HSPA5: variants seen among roughly 807,000 people sequenced by gnomAD.
HSPA5 encodes the protein endoplasmic reticulum chaperone BiP.
Under a neutral mutation model 49.5 loss-of-function variants are expected in HSPA5, and 16 were observed. The ratio of observed to expected loss-of-function variants is 0.32; its 90% CI spans 0.22 to 0.49. The LOEUF is 0.49. HSPA5 is among the 20% of genes least tolerant of loss of function. HSPA5 has a pLI of 0.99. For missense variants in HSPA5, 376 were observed against 819.0 expected (o/e 0.46, Z 6.60); for synonymous variants, 271 against 307.2 (o/e 0.88, Z 1.23).
Position 125,239,405 on chromosome 9 carries a change from T to C in HSPA5, c.605+16A>G. The C allele has an allele frequency of 6.2e-7, 1 of 1,613,922 alleles. No individual in the cohort carries two copies. Among genetic ancestry groups the C allele is most frequent in the Non-Finnish European group, 8.5e-7 (1 of 1,179,768 alleles). ...CTATTTGGCAAATATGCCGTATCCC[T>C]GAATTTCATACTTACGGCTCGTTGA... On this transcript the variant is annotated intron_variant, in intron 4 of 7. Transcript: ENST00000324460. The surrounding 1 kb of genome is among the most constrained non-coding windows in gnomAD (Gnocchi z 5.5).
In HSPA5 at chr9:125,241,063, C is replaced by T. The variant is rs758001741; in HGVS notation, c.64G>A (p.Asp22Asn). The T allele has an allele frequency of 3.7e-6, 6 of 1,613,806 alleles. No individual in the cohort carries two copies. In the African/African-American group the frequency reaches 6.7e-5, roughly 18 times the overall value. Residue 22 changes from aspartate (D) to asparagine (N), a missense_variant, in exon 1 of 8, where the codon GAC (aspartate) becomes AAC (asparagine). Asp to Asn is a conservative substitution (Grantham distance 23, BLOSUM62 1). Coordinates refer to ENST00000324460, the MANE Select transcript of HSPA5 (RefSeq NM_005347.5). ...ACCGTGCCCACGTCCTCCTTCTTGT[C>T]CTCCTCCTCGGCCCGCGCCGCGCTG... Reference protein sequence around the residue: ...LLSAARAEEEDKKEDVGTVVG... With the variant: ...LLSAARAEEENKKEDVGTVVG...
Position 125,238,999 on chromosome 9 carries a change from T to C in HSPA5, c.938A>G (p.Tyr313Cys), listed in dbSNP as rs545601947. ...HQARIEIESF[Y>C]EGEDFSETLT... ...GGTCTCAGAAAAGTCTTCTCCTTCA[T>C]AGAAGGACTCAATTTCAATTCTTGC... The change falls in exon 5 of 8, where the codon TAT becomes TGT. Residue 313 changes from tyrosine to cysteine, a missense_variant. Coordinates refer to ENST00000324460, the MANE Select transcript of HSPA5 (RefSeq NM_005347.5). The C allele has an allele frequency of 1.0e-4, 166 of 1,613,892 alleles. 2 individuals carry two copies. The South Asian group carries it at 1.6e-3, about 16-fold the overall frequency.
At position 125,236,094 on chromosome 9, in the gene HSPA5, A is replaced by C. The variant is rs897691236; in HGVS notation, c.*498T>G. ...GGCCCAGGAGGGTTAAAAAAAAAAA[A>C]AAAAATCCCTGGAAGCATTAAATAG... On this transcript the variant is annotated 3_prime_UTR_variant, in exon 8 of 8. Coordinates refer to ENST00000324460, the MANE Select transcript of HSPA5 (RefSeq NM_005347.5). 1 of 151,536 alleles carries C rather than the reference A, an allele frequency of 6.6e-6. No individual in the cohort carries two copies. The highest frequency in any genetic ancestry group is 6.6e-5 in the Admixed American group (1 of 15,124). The allele number at this position is 151,536 out of a possible 1,614,324, so 9.4% of individuals were successfully genotyped here.
At position 125,240,844 on chromosome 9, in the gene HSPA5, C is replaced by T. The variant is rs1275325037; in HGVS notation, c.186G>A (p.Thr62=). 1 of 1,614,236 alleles carries T rather than the reference C, an allele frequency of 6.2e-7. No homozygotes were observed. The highest frequency in any genetic ancestry group is 8.5e-7 in the Non-Finnish European group (1 of 1,180,046). The change falls in exon 2 of 8, where the codon ACG becomes ACA. Residue 62 remains threonine (T), a synonymous_variant. Coordinates refer to ENST00000324460, the MANE Select transcript of HSPA5 (RefSeq NM_005347.5). The surrounding 1 kb of genome is among the most constrained non-coding windows in gnomAD (Gnocchi z 4.4). ...CAGGAGTGAAGGCGACATAGGACGG[C>T]GTGATGCGGTTGCCCTGATCGTTGG... ...IIANDQGNRI[T]PSYVAFTPEG...
chr9:125,240,735 T>C lies in HSPA5; in HGVS notation c.295A>G (p.Ile99Val). 1 of 1,614,184 alleles carries C rather than the reference T, an allele frequency of 6.2e-7. No homozygotes were observed. Among genetic ancestry groups the C allele is most frequent in the East Asian group, 2.2e-5 (1 of 44,886 alleles). ...ENTVFDAKRL[I>V]GRTWNDPSVQ... ...GACGGGTCATTCCACGTGCGGCCGA[T>C]GAGCCGCTTGGCGTCAAAGACCGTG... Residue 99 changes from isoleucine (I) to valine (V), a missense_variant, in exon 2 of 8, where the codon ATC becomes GTC. Transcript: ENST00000324460. The surrounding 1 kb of genome is among the most constrained non-coding windows in gnomAD (Gnocchi z 4.4).
rs1218092718 is a variant in HSPA5 at position 125,235,258 on chromosome 9, G to A, written c.*1334C>T. 6.6e-6 allele frequency: 1 copy of A among 151,406 alleles called. No homozygotes were observed. The highest frequency in any genetic ancestry group is 1.5e-5 in the Non-Finnish European group (1 of 68,004). 9.4% of individuals were successfully genotyped at this position (151,406 alleles called of 1,614,324 possible). On this transcript the variant is annotated 3_prime_UTR_variant, in exon 8 of 8. Coordinates refer to ENST00000324460, the MANE Select transcript of HSPA5 (RefSeq NM_005347.5). ...GTCTCACTCTTGTCGCCAGGCTGGA[G>A]TGCCGGGCTGGAGTACAGTGGTGTG...
chr9:125,238,041 G>T, intron 7 of HSPA5, 100 bp downstream of exon 7: 1 of 859,532 alleles, frequency 1.2e-6, no homozygotes. Flanking sequence ...GACAGAATTT[G>T]CAGTGAGCCG....
rs1832466032 is a variant in HSPA5, at chr9:125,234,895, A to G, written c.*1697T>C. The G allele has an allele frequency of 6.6e-6, 1 of 152,038 alleles. No individual in the cohort carries two copies. The highest frequency in any genetic ancestry group is 2.4e-5 in the African/African-American group (1 of 41,350). 9.4% of individuals were successfully genotyped at this position (152,038 alleles called of 1,614,324 possible). ...AATATTCAGTAACAGCTCCTCAGAA[A>G]GAGTTACAGACTAGGTGGTCCACGG... On this transcript the variant is annotated 3_prime_UTR_variant, in exon 8 of 8. Transcript: ENST00000324460.
At position 125,240,822 on chromosome 9, in the gene HSPA5, G is replaced by A. The variant is rs200897884; in HGVS notation, c.208C>T (p.Pro70Ser). Residue 70 changes from proline to serine, a missense_variant, in exon 2 of 8, where the codon CCT becomes TCT. By Grantham distance (74) the Pro-to-Ser change is moderately conservative. Around this residue, in one of 8 missense-constraint regions of HSPA5, gnomAD observed 89 missense variants for 200.0 expected, o/e 0.44. Transcript: ENST00000324460. The surrounding 1 kb of genome is among the most constrained non-coding windows in gnomAD (Gnocchi z 4.4). ...TCGCCAATCAGACGTTCCCCTTCAGGAGTGAAGGCGACATAGGACGGCGTG... is the reference window on the plus strand; with the variant it reads ...TCGCCAATCAGACGTTCCCCTTCAGAAGTGAAGGCGACATAGGACGGCGTG... ...RITPSYVAFT[P>S]EGERLIGDAA... The A allele has an allele frequency of 6.8e-6, 11 of 1,614,198 alleles. No homozygotes were observed. In the East Asian group the frequency reaches 1.1e-4, roughly 16 times the overall value.
Position 125,241,247 on chromosome 9 carries a change from G to A in HSPA5, c.-121C>T. On this transcript the variant is annotated 5_prime_UTR_variant, in exon 1 of 8. Coordinates refer to ENST00000324460, the MANE Select transcript of HSPA5 (RefSeq NM_005347.5). ...GGTCACAAGGCGCCACGAACCAGGCGAAGGGCAGGTCTAGAAATACAGGCC... is the reference window on the plus strand; with the variant it reads ...GGTCACAAGGCGCCACGAACCAGGCAAAGGGCAGGTCTAGAAATACAGGCC... 8.4e-7 allele frequency: 1 copy of A among 1,188,274 alleles called. No homozygotes were observed. 73.6% of individuals were successfully genotyped at this position (1,188,274 alleles called of 1,614,324 possible).
chr9:125,241,077 C>G lies in HSPA5; in HGVS notation c.50G>C (p.Arg17Pro). 6.2e-7 allele frequency: 1 copy of G among 1,613,742 alleles called. No homozygotes were observed. Among genetic ancestry groups the G allele is most frequent in the Non-Finnish European group, 8.5e-7 (1 of 1,179,958 alleles). ...AAMLLLLSAARAEEEDKKEDV... is the reference protein window; with the variant it reads ...AAMLLLLSAAPAEEEDKKEDV... ...CTCCTTCTTGTCCTCCTCCTCGGCC[C>G]GCGCCGCGCTGAGCAGCAGCAGCAT... Residue 17 changes from arginine to proline, a missense_variant, in exon 1 of 8, where the codon CGG becomes CCG. By Grantham distance (103) the Arg-to-Pro change is moderately radical. This residue lies in a region of HSPA5 where 29 missense variants were observed against 38.7 expected (regional missense o/e 0.75). Coordinates refer to ENST00000324460, the MANE Select transcript of HSPA5 (RefSeq NM_005347.5).
At chr9:125,237,537 G>GA (rs1832512688) in intron 7 of HSPA5, among the ~76,000 whole-genome samples, 1 of 151,892 alleles carries the variant, frequency 6.6e-6, no homozygotes, top group Non-Finnish European at 1.5e-5. Context: ...CCAACATGGC[G>GA]AAACTCCGCC....
Position 125,240,356 on chromosome 9 carries a change from CAA to C in HSPA5, c.355-49_355-48del. The C allele has an allele frequency of 6.5e-7, 1 of 1,546,694 alleles. No homozygotes were observed. On this transcript the variant is annotated intron_variant, in intron 2 of 7. Transcript: ENST00000324460. This position sits in a 1 kb window ranked among gnomAD's most constrained non-coding sequence, Gnocchi z 4.4. ...TTCAGACACAGATACAATGACATCT[CAA>C]AGTTTAAAAGACCCACTACCATCCC...
intron 7 of HSPA5, among the ~76,000 whole-genome samples, chr9:125,237,840 G>C (rs911264750): frequency 5.9e-5 from 9 of 151,942 alleles, no homozygotes; most frequent in African/African-American, 2.2e-4. Flanking sequence ...GGTGGCTCAC[G>C]CCTATAATCC....
chr9:125,240,509 A>AT lies in HSPA5; in HGVS notation c.354+166_354+167insA, dbSNP rs1564208104. ...TTCCTAAACTATCGTAGACAGTACG[A>AT]CAGCAACTGTCTTAAGTTTTGTAAC... On this transcript the variant is annotated intron_variant, in intron 2 of 7. Coordinates refer to ENST00000324460, the MANE Select transcript of HSPA5 (RefSeq NM_005347.5). The surrounding 1 kb of genome is among the most constrained non-coding windows in gnomAD (Gnocchi z 4.4). 4.6e-5 allele frequency among the ~76,000 whole-genome samples: 7 copies of AT among 152,362 alleles called. No homozygotes were observed. In the East Asian group the frequency reaches 9.6e-4, roughly 21 times the overall value.
chr9:125,239,342 GA>G lies in HSPA5; in HGVS notation c.606-12del. On this transcript the variant is annotated splice_polypyrimidine_tract_variant and intron_variant, in intron 4 of 7. Coordinates refer to ENST00000324460, the MANE Select transcript of HSPA5 (RefSeq NM_005347.5). The surrounding 1 kb of genome is among the most constrained non-coding windows in gnomAD (Gnocchi z 5.5). ...ATAGCAGCTGCCGTACTATTAGATT[GA>G]AAAAGGGAAAAGTTTTGTCAGTACT... The G allele has an allele frequency of 1.2e-6, 2 of 1,611,710 alleles. No individual in the cohort carries two copies. Among genetic ancestry groups the G allele is most frequent in the Non-Finnish European group, 1.7e-6 (2 of 1,178,014 alleles).
rs540586625 is a variant in HSPA5 at position 125,237,167 on chromosome 9, T to G, written c.1403-13A>C. On this transcript the variant is annotated splice_polypyrimidine_tract_variant and intron_variant, in intron 7 of 7. Coordinates refer to ENST00000324460, the MANE Select transcript of HSPA5 (RefSeq NM_005347.5). ...AGGGGTCTTTCACCTAGAAGTTACA[T>G]ACAGAAAAACTTGTTAGTTGTTACT... The G allele has an allele frequency of 6.3e-7, 1 of 1,582,826 alleles. No individual in the cohort carries two copies. Among genetic ancestry groups the G allele is most frequent in the African/African-American group, 1.4e-5 (1 of 74,022 alleles).
At position 125,236,546 on chromosome 9, in the gene HSPA5, T is replaced by C; in HGVS notation, c.*46A>G. 7.4e-7 allele frequency: 1 copy of C among 1,355,364 alleles called. No individual in the cohort carries two copies. Among genetic ancestry groups the C allele is most frequent in the Non-Finnish European group, 1.0e-6 (1 of 992,180 alleles). 84.0% of individuals were successfully genotyped at this position (1,355,364 alleles called of 1,614,324 possible). A position where few individuals can be genotyped will look rare whatever the true frequency, so the allele number is the denominator to read the frequency against. On this transcript the variant is annotated 3_prime_UTR_variant, in exon 8 of 8. Coordinates refer to ENST00000324460, the MANE Select transcript of HSPA5 (RefSeq NM_005347.5). ...CTTTCAATTTTTTCCTAACAAAAGTTCCTGAGTCCAGTATTTACAATATTA... is the reference window on the plus strand; with the variant it reads ...CTTTCAATTTTTTCCTAACAAAAGTCCCTGAGTCCAGTATTTACAATATTA...
chr9:125,239,072 G>A lies in HSPA5; in HGVS notation c.865C>T (p.Arg289Trp). The A allele has an allele frequency of 6.2e-7, 1 of 1,614,170 alleles. No individual in the cohort carries two copies. Among genetic ancestry groups the A allele is most frequent in the Non-Finnish European group, 8.5e-7 (1 of 1,180,034 alleles). ...RKDNRAVQKL[R>W]REVEKAKRAL... ...CGTTTGGCCTTTTCTACCTCGCGCC[G>A]GAGTTTCTGCACAGCTCTATTGTCT... The change falls in exon 5 of 8, where the codon CGG becomes TGG. Residue 289 changes from arginine to tryptophan, a missense_variant. Arg to Trp is a moderately radical substitution (Grantham distance 101). Around this residue, in one of 8 missense-constraint regions of HSPA5, gnomAD observed 89 missense variants for 155.9 expected, o/e 0.57. Coordinates refer to ENST00000324460, the MANE Select transcript of HSPA5 (RefSeq NM_005347.5). This position sits in a 1 kb window ranked among gnomAD's most constrained non-coding sequence, Gnocchi z 5.5.
Sources: allele counts gnomAD v4.1 joint callset (sites outside exome capture counted in the v4.1 genomes callset), GRCh38; gene constraint gnomAD v4.1.1; regional missense constraint gnomAD v4.1.1; non-coding constraint Gnocchi (gnomAD v3.1); transcripts MANE v1.5; gene names NCBI Gene and HGNC (gene_info 2026-07-23, HGNC 2026-07-21).